CUL4B: variants seen among roughly 807,000 people sequenced by gnomAD.
The protein encoded by CUL4B is cullin-4B.
Under a neutral mutation model 69.2 loss-of-function variants are expected in CUL4B, and 1 was observed. That is an observed-to-expected ratio of 0.01 (90% CI 0.01 to 0.07). The LOEUF (loss-of-function observed/expected upper bound fraction) is 0.07, where lower values mean the gene tolerates loss of function less well. CUL4B is among the 10% of genes least tolerant of loss of function. The probability of loss-of-function intolerance (pLI) is 1.00; values close to 1 mark genes in which losing one functional copy is unlikely to be tolerated. For missense variants in CUL4B, 328 were observed against 638.8 expected (o/e 0.51, Z 5.24); for synonymous variants, 237 against 223.2 (o/e 1.06, Z -0.55).
In CUL4B at chrX:120,550,321, G is replaced by A. The variant is rs770379482; in HGVS notation, c.673-3082C>T. 3.5e-3 allele frequency among the ~76,000 whole-genome samples: 388 copies of A among 112,224 alleles called. 2 individuals carry two copies. The highest frequency in any genetic ancestry group is 5.7e-3 in the Non-Finnish European group (302 of 53,227). On this transcript the variant is annotated intron_variant, in intron 2 of 19. Coordinates refer to ENST00000371322, the MANE Select transcript of CUL4B (RefSeq NM_001079872.2). ...ATACTTTTTGAGCTTTGAACCAAGT[G>A]AATACATGAAGTATTCAAAAAAAAC... is the stretch of plus-strand genomic sequence containing the variant.
upstream of CUL4B, chrX:120,561,421 C>G (rs1252578062): frequency 9.0e-6 from 5 of 554,830 alleles, no homozygotes; most frequent in Admixed American, 4.6e-5. Flanking sequence ...CCCGAAGCCC[C>G]CAGGTCCGCA....
upstream of CUL4B, among the ~76,000 whole-genome samples, chrX:120,564,030 T>A (rs760938091): frequency 1.1e-3 from 120 of 112,377 alleles, no homozygotes; most frequent in African/African-American, 3.7e-3. Flanking sequence ...TGGCCACGCG[T>A]GGTGGCTCAT....
intron 8 of CUL4B, among the ~76,000 whole-genome samples, chrX:120,543,495 A>AACACACACACAC (rs60058698): frequency 1.2e-4 from 12 of 98,177 alleles, no homozygotes; most frequent in African/African-American, 4.5e-4. Context: ...TTACCTTCTA[A>AACACACACACAC]ACACACACAC....
At chrX:120,546,767 T>G in intron 3 of CUL4B, 151 bp from the exon 4 acceptor site, 2 of 437,130 alleles carry the variant, frequency 4.6e-6, no homozygotes, top group Non-Finnish European at 7.9e-6. Context: ...ATTTCCTAAT[T>G]TGTAAAAGAA....
chrX:120,532,678 C>T, intron 17 of CUL4B, 84 bp from the exon 18 acceptor site: 1 of 861,466 alleles, frequency 1.2e-6, no homozygotes, highest in Non-Finnish European at 1.7e-6. Context: ...CCACTCCATC[C>T]CCCTATTAAA....
intron 2 of CUL4B, among the ~76,000 whole-genome samples, chrX:120,548,057 TC>T (rs1184625070): frequency 9.1e-6 from 1 of 110,451 alleles, no homozygotes; most frequent in Non-Finnish European, 1.9e-5. Context: ...TGTAGTTCTG[TC>T]CCTCTAAGAA....
At chrX:120,557,289 T>G (rs1223549564) in intron 2 of CUL4B, among the ~76,000 whole-genome samples, 7 of 111,258 alleles carry the variant, frequency 6.3e-5, no homozygotes, top group Admixed American at 1.9e-4. Context: ...AAATACACAG[T>G]AGGGAAAAAT....
rs182976569 is a variant in CUL4B at position 120,548,981 on chromosome X, C to A, written c.673-1742G>T. 3.3e-3 allele frequency among the ~76,000 whole-genome samples: 368 copies of A among 112,242 alleles called. 1 individual carries two copies. Among genetic ancestry groups the A allele is most frequent in the African/African-American group, 0.011 (356 of 30,970 alleles). On this transcript the variant is annotated intron_variant, in intron 2 of 19. Coordinates refer to ENST00000371322, the MANE Select transcript of CUL4B (RefSeq NM_001079872.2). ...TCCAGAAGGATGACCTTCAGATTTC[C>A]GTAAGTTTCCTGTTATGCATATATA...
upstream of CUL4B, among the ~76,000 whole-genome samples, chrX:120,563,169 T>C (rs5910908): frequency 0.31 from 34,707 of 110,978 alleles, 4,281 homozygotes; most frequent in African/African-American, 0.44. Context: ...AGAAGGGAGA[T>C]GGGGGCCTGA....
In CUL4B at chrX:120,545,525, T is replaced by C. The variant is rs755039915; in HGVS notation, c.847-8A>G. 1.6e-5 allele frequency: 18 copies of C among 1,138,227 alleles called. 1 individual carries two copies. The South Asian group carries it at 3.1e-4, about 19-fold the overall frequency. The allele number at this position is 1,138,227 out of a possible 1,213,427, so 93.8% of individuals were successfully genotyped here. A position where few individuals can be genotyped will look rare whatever the true frequency, so the allele number is the denominator to read the frequency against. On this transcript the variant is annotated splice_region_variant and splice_polypyrimidine_tract_variant and intron_variant, in intron 4 of 19. Coordinates refer to ENST00000371322, the MANE Select transcript of CUL4B (RefSeq NM_001079872.2). ...AATGCTCCTGATCATGATCTGCCAA[T>C]GAAAAAAAAAGAAATCAAACAAGTT...
At chrX:120,545,362 A>C in intron 5 of CUL4B, 82 bp downstream of exon 5, 1 of 691,904 alleles carries the variant, frequency 1.4e-6, no homozygotes, top group Non-Finnish European at 2.3e-6. Context: ...TATTCACAGT[A>C]TAGCTTATAC....
At chrX:120,534,723 G>C (rs144046487) in intron 16 of CUL4B, 137 bp from the exon 17 acceptor site, 1 of 490,898 alleles carries the variant, frequency 2.0e-6, no homozygotes, top group Non-Finnish European at 3.6e-6. Flanking sequence ...GCCACTTGAC[G>C]TGGTAATACA....
intron 2 of CUL4B, among the ~76,000 whole-genome samples, chrX:120,573,280 A>G (rs1925768480): frequency 9.0e-6 from 1 of 111,410 alleles, no homozygotes; most frequent in Non-Finnish European, 1.9e-5. Flanking sequence ...ATGACAGTAT[A>G]TAGAGATCTA....
Position 120,560,170 on chromosome X carries a change from C to T in CUL4B, c.469G>A (p.Gly157Ser). ...ACGGTGGTAGAAGATTTGGCTAGGC[C>T]GTTTGCATGATGCACCGAAGCCACA... ...SSVASVHHAN[G>S]LAKSSTTVSS... Residue 157 changes from glycine to serine, a missense_variant, in exon 1 of 20, where the codon GGC becomes AGC. Physicochemically the swap from Gly to Ser is moderately conservative, Grantham distance 56 (BLOSUM62 0). Transcript: ENST00000371322. The T allele has an allele frequency of 1.7e-6, 2 of 1,211,456 alleles. No homozygotes were observed.
At chrX:120,546,396 T>C in intron 4 of CUL4B, 151 bp downstream of exon 4, 1 of 427,843 alleles carries the variant, frequency 2.3e-6, no homozygotes, top group Non-Finnish European at 4.0e-6. Flanking sequence ...AATAAATAAA[T>C]TTTTAAAAAA....
intron 9 of CUL4B, 98 bp downstream of exon 9, chrX:120,542,868 G>T: frequency 1.7e-6 from 1 of 589,892 alleles, no homozygotes; most frequent in East Asian, 3.5e-5. Context: ...GCAGCCACAT[G>T]CTATCAAACT....
chrX:120,559,823 A>T (rs1311652596), intron 1 of CUL4B: 1 of 1,116,549 alleles, frequency 9.0e-7, no homozygotes, highest in Non-Finnish European at 1.2e-6. Flanking sequence ...TGTTATAAGG[A>T]ATAACAGATT....
At chrX:120,570,487 A>T (rs370280597), downstream of CUL4B, among the ~76,000 whole-genome samples, 30 of 112,384 alleles carry the variant, frequency 2.7e-4, no homozygotes, top group East Asian at 8.3e-4. Context: ...CAGAGACCGT[A>T]TGGCCCACAG....
chrX:120,549,550 G>C (rs1180935696), intron 2 of CUL4B, among the ~76,000 whole-genome samples: 2 of 111,066 alleles, frequency 1.8e-5, no homozygotes, highest in Non-Finnish European at 3.8e-5. Context: ...CTCGAGAAGA[G>C]AAGAAAAAAG....
Sources: gnomAD v4.1 joint callset for allele counts (sites outside exome capture counted in the v4.1 genomes callset) on GRCh38, gnomAD v4.1.1 for gene constraint, MANE v1.5 for transcripts, NCBI Gene and HGNC (gene_info 2026-07-23, HGNC 2026-07-21) for gene names.